The following GLT1D1 variants were observed in gnomAD, a reference collection of about 807,000 sequenced individuals.
GLT1D1 encodes the protein glycosyltransferase 1 domain containing 1.
A neutral mutation model predicts 28.7 loss-of-function variants in GLT1D1; 21 were observed. That is an observed-to-expected ratio of 0.73 (90% CI 0.52 to 1.05). The LOEUF is 1.05. Among genes scored for constraint, GLT1D1 ranks in the 50% least tolerant of loss-of-function variants. GLT1D1 has a pLI of 0.00. For missense variants in GLT1D1, 343 were observed against 330.6 expected, an observed-to-expected ratio of 1.04 and a Z score of -0.29; for synonymous variants, 147 against 124.8, an observed-to-expected ratio of 1.18 and a Z score of -1.19.
At chr12:128,886,215 T>C (rs1868374801) in intron 2 of GLT1D1, among the ~76,000 whole-genome samples, 1 of 152,156 alleles carries the variant, frequency 6.6e-6, no homozygotes, top group African/African-American at 2.4e-5. Context: ...TGCCCAGACA[T>C]ATCCAATTGC....
intron 4 of GLT1D1, among the ~76,000 whole-genome samples, chr12:128,923,939 T>TA (rs376236111): frequency 2.2e-4 from 33 of 148,520 alleles, no homozygotes; most frequent in Middle Eastern, 3.5e-3. Flanking sequence ...ATTTTCTCAT[T>TA]AAAAAAAAAA....
At chr12:128,970,664 C>T (rs1878948920) in intron 7 of GLT1D1, among the ~76,000 whole-genome samples, 1 of 152,266 alleles carries the variant, frequency 6.6e-6, no homozygotes, top group Non-Finnish European at 1.5e-5. Context: ...TGCTCACCCT[C>T]TGTCTCTAAC....
chr12:128,905,283 C>A, intron 4 of GLT1D1, among the ~76,000 whole-genome samples: 1 of 152,248 alleles, frequency 6.6e-6, no homozygotes, highest in South Asian at 2.1e-4. Flanking sequence ...ACACTCACAG[C>A]ACATCTTAAT....
chr12:128,899,140 A>G, intron 3 of GLT1D1, 96 bp from the exon 4 acceptor site: 6 of 861,810 alleles, frequency 7.0e-6, no homozygotes, highest in South Asian at 1.4e-5. Context: ...TTAGTGTCTC[A>G]CGTTGTCTCT....
At chr12:128,860,586 G>T (rs2135757884) in intron 1 of GLT1D1, among the ~76,000 whole-genome samples, 1 of 152,302 alleles carries the variant, frequency 6.6e-6, no homozygotes, top group Non-Finnish European at 1.5e-5. Flanking sequence ...GCTCTATTTG[G>T]TCTTGCATCC....
chr12:128,947,764 G>A (rs1051498045), intron 6 of GLT1D1, among the ~76,000 whole-genome samples: 3 of 152,184 alleles, frequency 2.0e-5, no homozygotes, highest in African/African-American at 7.2e-5. Context: ...ACAAAAGATT[G>A]AGACAGGAAA....
intron 2 of GLT1D1, among the ~76,000 whole-genome samples, chr12:128,880,192 A>C (rs985649571): frequency 3.3e-5 from 5 of 152,168 alleles, no homozygotes; most frequent in Non-Finnish European, 7.4e-5. Flanking sequence ...TTTTCCTTCA[A>C]ACTTACAGTT....
intron 3 of GLT1D1, among the ~76,000 whole-genome samples, chr12:128,890,275 C>G (rs1293868809): frequency 6.6e-6 from 1 of 152,170 alleles, no homozygotes; most frequent in Non-Finnish European, 1.5e-5. Context: ...AACACTCATT[C>G]TGTTTTGTAG....
intron 1 of GLT1D1, among the ~76,000 whole-genome samples, chr12:128,860,937 A>C (rs1956349142): frequency 6.6e-6 from 1 of 152,158 alleles, no homozygotes; most frequent in South Asian, 2.1e-4. Context: ...TCAAAATTAA[A>C]AGCAGCTCTG....
intron 7 of GLT1D1, among the ~76,000 whole-genome samples, chr12:128,976,067 G>C (rs1005674697): frequency 6.6e-6 from 1 of 152,228 alleles, no homozygotes; most frequent in Non-Finnish European, 1.5e-5. Context: ...GTGACCAGAG[G>C]GATGGTGCCG....
At chr12:128,915,942 C>T (rs138350789) in intron 4 of GLT1D1, among the ~76,000 whole-genome samples, 43 of 152,192 alleles carry the variant, frequency 2.8e-4, no homozygotes, top group African/African-American at 9.4e-4. Context: ...AATGTATATA[C>T]CCATGTGACA....
At chr12:128,966,820 C>T (rs1450327195) in intron 7 of GLT1D1, among the ~76,000 whole-genome samples, 8 of 152,140 alleles carry the variant, frequency 5.3e-5, no homozygotes, top group African/African-American at 1.9e-4. Flanking sequence ...GACGATTAAA[C>T]ATATTCAGCC....
chr12:128,974,428 G>A (rs1327006672), intron 7 of GLT1D1, among the ~76,000 whole-genome samples: 2 of 152,236 alleles, frequency 1.3e-5, no homozygotes, highest in South Asian at 2.1e-4. Flanking sequence ...CAGGTTCTCC[G>A]ACGGTCAGTG....
At chr12:128,944,086 A>C (rs1213781820) in intron 4 of GLT1D1, among the ~76,000 whole-genome samples, 2 of 152,244 alleles carry the variant, frequency 1.3e-5, no homozygotes, top group Admixed American at 6.5e-5. Flanking sequence ...ATTTCAAAGG[A>C]TGAATCTTAG....
chr12:128,904,914 G>A (rs1484090548), intron 4 of GLT1D1, among the ~76,000 whole-genome samples: 3 of 152,140 alleles, frequency 2.0e-5, no homozygotes, highest in Admixed American at 6.5e-5. Flanking sequence ...GATTACAGGT[G>A]ACTGCCACTA....
intron 1 of GLT1D1, among the ~76,000 whole-genome samples, chr12:128,871,636 C>T (rs781382008): frequency 1.6e-4 from 25 of 152,180 alleles, no homozygotes; most frequent in African/African-American, 7.2e-5. Flanking sequence ...CCTCATGTTT[C>T]TCTGTGGCTC....
Position 128,926,438 on chromosome 12 carries a change from G to A in GLT1D1, c.376-18888G>A, listed in dbSNP as rs1056811381. ...GACAAGTTAAGGATCCTCTCTATCT[G>A]GTGGACGCATTTTCAGGTGTGTTTG... On this transcript the variant is annotated intron_variant, in intron 4 of 7. Transcript: ENST00000281703. The A allele has an allele frequency of 5.9e-6, 9 of 1,521,976 alleles. No homozygotes were observed. In the African/African-American group the frequency reaches 1.2e-4, roughly 21 times the overall value. 94.3% of individuals were successfully genotyped at this position (1,521,976 alleles called of 1,614,324 possible). A position where few individuals can be genotyped will look rare whatever the true frequency, so the allele number is the denominator to read the frequency against.
intron 7 of GLT1D1, 88 bp from the exon 12 acceptor site, chr12:128,982,841 C>A (rs1287535113): frequency 8.8e-6 from 11 of 1,243,906 alleles, no homozygotes; most frequent in Non-Finnish European, 1.3e-5. Flanking sequence ...GCAAGGCCAG[C>A]AGCCAATGCA....
intron 4 of GLT1D1, among the ~76,000 whole-genome samples, chr12:128,903,711 C>G (rs990567258): frequency 3.3e-5 from 5 of 151,266 alleles, no homozygotes; most frequent in Admixed American, 1.3e-4. Context: ...TCCTTTAGAA[C>G]CTTTTGGTTT....
Sources: allele counts gnomAD v4.1 joint callset (sites outside exome capture counted in the v4.1 genomes callset), GRCh38; gene constraint gnomAD v4.1.1; transcripts MANE v1.5; gene names NCBI Gene and HGNC (gene_info 2026-07-23, HGNC 2026-07-21).